The following ZNF7 variants were observed in gnomAD, a reference collection of about 807,000 sequenced individuals.
ZNF7 encodes the protein C2-H2 type zinc finger protein.
Under a neutral mutation model 12.0 loss-of-function variants are expected in ZNF7, and 10 were observed. That is an observed-to-expected ratio of 0.83 (90% CI 0.51 to 1.42). The LOEUF (loss-of-function observed/expected upper bound fraction) is 1.42, where lower values mean the gene tolerates loss of function less well. Ranked by LOEUF, ZNF7 falls within the 40% of genes most tolerant of loss-of-function variation. The pLI, the probability that ZNF7 is intolerant of heterozygous loss-of-function variation, is 0.00. For missense variants in ZNF7, 854 were observed against 837.2 expected (o/e 1.02, Z -0.25); for synonymous variants, 334 against 295.0 (o/e 1.13, Z -1.35).
At chr8:144,837,319 G>T (rs1829126264) in intron 3 of ZNF7, 72 bp from the exon 4 acceptor site, 1 of 1,317,870 alleles carries the variant, frequency 7.6e-7, no homozygotes, top group African/African-American at 1.4e-5. Context: ...TTTGGAAACT[G>T]GGGAAGACTT....
downstream of ZNF7, among the ~76,000 whole-genome samples, chr8:144,844,363 CT>C (rs947620627): frequency 2.0e-5 from 3 of 151,954 alleles, no homozygotes; most frequent in African/African-American, 4.8e-5. Context: ...AGTTGCCCCA[CT>C]TTTTTTTGGT....
At chr8:144,844,386 C>T (rs181742167), downstream of ZNF7, among the ~76,000 whole-genome samples, 9 of 151,952 alleles carry the variant, frequency 5.9e-5, no homozygotes, top group East Asian at 3.9e-4. Context: ...GGGGGGAACG[C>T]GGTGAGGAGG....
At chr8:144,845,175 T>C (rs530346695), downstream of ZNF7, among the ~76,000 whole-genome samples, 1 of 152,318 alleles carries the variant, frequency 6.6e-6, no homozygotes, top group East Asian at 1.9e-4. Context: ...ATTTCATTCT[T>C]TGTAGAAGCT....
chr8:144,830,234 A>G (rs1828281484), intron 3 of ZNF7, among the ~76,000 whole-genome samples: 1 of 152,184 alleles, frequency 6.6e-6, no homozygotes, highest in Non-Finnish European at 1.5e-5. Flanking sequence ...TCAGGAGTGG[A>G]ACTGACGCGG....
chr8:144,828,883 CT>C, intron 1 of ZNF7, 159 bp from the exon 2 acceptor site: 1 of 849,506 alleles, frequency 1.2e-6, no homozygotes, highest in South Asian at 1.7e-5. Context: ...AGTGGGCCTC[CT>C]TCACTCAAGT....
Position 144,843,348 on chromosome 8 carries a change from G to C in ZNF7, c.*180G>C. On this transcript the variant is annotated 3_prime_UTR_variant, in exon 5 of 5. Transcript: ENST00000532777. ...CTTATGCCTGTCATCCCAGCACTTT[G>C]GGAGGCCAAGGCGGGCACATCACGA... is the stretch of plus-strand genomic sequence containing the variant. 1.4e-6 allele frequency: 1 copy of C among 696,148 alleles called. No homozygotes were observed. Among genetic ancestry groups the C allele is most frequent in the Non-Finnish European group, 2.2e-6 (1 of 453,170 alleles). 43.1% of individuals were successfully genotyped at this position (696,148 alleles called of 1,614,324 possible).
downstream of ZNF7, among the ~76,000 whole-genome samples, chr8:144,845,682 A>AG (rs1250839236): frequency 2.0e-5 from 3 of 152,158 alleles, no homozygotes; most frequent in Non-Finnish European, 2.9e-5. Flanking sequence ...CTTGTCATTC[A>AG]GGGGGAACCT....
Position 144,842,916 on chromosome 8 carries a change from C to T in ZNF7, c.1809C>T (p.His603=), listed in dbSNP as rs1459597840. 16 of 1,614,074 alleles carry T rather than the reference C, an allele frequency of 9.9e-6. No homozygotes were observed. The highest frequency in any genetic ancestry group is 1.4e-5 in the Non-Finnish European group (16 of 1,180,042). The change falls in exon 5 of 5, where the codon CAC becomes CAT. Residue 603 remains histidine (H), a synonymous_variant. Coordinates refer to ENST00000532777, the MANE Select transcript of ZNF7 (RefSeq NM_003416.4). ...ATCTTATTGAACACCAGAGAATACACACTAGGGCCCAGTGGTTTTACGAAT... is the reference window on the plus strand; with the variant it reads ...ATCTTATTGAACACCAGAGAATACATACTAGGGCCCAGTGGTTTTACGAAT... ...SSYLIEHQRI[H]TRAQWFYEYG...
intron 4 of ZNF7, chr8:144,838,158 C>T: frequency 1.4e-6 from 1 of 702,920 alleles, no homozygotes; most frequent in Non-Finnish European, 2.6e-6. Context: ...ATGCGTCCCT[C>T]ACTCTGATCT....
chr8:144,829,029 A>T lies in ZNF7; in HGVS notation c.-45-14A>T. On this transcript the variant is annotated splice_polypyrimidine_tract_variant and intron_variant, in intron 1 of 4. Transcript: ENST00000532777. ...TGGCACCTTGACCTCTAATCCTTTCATAATTGCCAACAGGTCTCTCGGCCA... is the reference window on the plus strand; with the variant it reads ...TGGCACCTTGACCTCTAATCCTTTCTTAATTGCCAACAGGTCTCTCGGCCA... The T allele has an allele frequency of 6.2e-7, 1 of 1,612,980 alleles. No homozygotes were observed. Among genetic ancestry groups the T allele is most frequent in the Non-Finnish European group, 8.5e-7 (1 of 1,179,538 alleles).
intron 4 of ZNF7, among the ~76,000 whole-genome samples, chr8:144,840,454 G>A (rs750715714): frequency 3.9e-5 from 6 of 152,292 alleles, no homozygotes; most frequent in Admixed American, 6.5e-5. Flanking sequence ...CTGTGGCTGC[G>A]TGGTTGTGGT....
In ZNF7 at chr8:144,843,196, G is replaced by A. The variant is rs1305688263; in HGVS notation, c.*28G>A. ...CACTTACATATAAATGTGTATATAT[G>A]TGAATAAACCTATAGCCTTAACTTA... On this transcript the variant is annotated 3_prime_UTR_variant, in exon 5 of 5. Coordinates refer to ENST00000532777, the MANE Select transcript of ZNF7 (RefSeq NM_003416.4). 4 of 1,535,864 alleles carry A rather than the reference G, an allele frequency of 2.6e-6. No homozygotes were observed. The highest frequency in any genetic ancestry group is 1.4e-5 in the African/African-American group (1 of 71,968).
chr8:144,840,468 G>A (rs1173496732), intron 4 of ZNF7, among the ~76,000 whole-genome samples: 1 of 152,208 alleles, frequency 6.6e-6, no homozygotes, highest in Non-Finnish European at 1.5e-5. Context: ...TTGTGGTTGT[G>A]AACGTGATTG....
At chr8:144,827,678 C>G in intron 1 of ZNF7, 69 bp downstream of exon 1, 1 of 985,194 alleles carries the variant, frequency 1.0e-6, no homozygotes, top group Non-Finnish European at 1.2e-6. Context: ...GCTTCCTTAG[C>G]CCTCCCGCCT....
chr8:144,841,247 C>G, intron 4 of ZNF7, 108 bp from the exon 5 acceptor site: 1 of 1,144,696 alleles, frequency 8.7e-7, no homozygotes. Flanking sequence ...CCTCACAGTG[C>G]TCAGTGCAAC....
In ZNF7 at chr8:144,843,389, A is replaced by C. The variant is rs556033117; in HGVS notation, c.*221A>C. 2.9e-5 allele frequency: 14 copies of C among 481,928 alleles called. No homozygotes were observed. Among genetic ancestry groups the C allele is most frequent in the African/African-American group, 2.4e-4 (12 of 50,300 alleles). 29.9% of individuals were successfully genotyped at this position (481,928 alleles called of 1,614,324 possible). On this transcript the variant is annotated 3_prime_UTR_variant, in exon 5 of 5. Coordinates refer to ENST00000532777, the MANE Select transcript of ZNF7 (RefSeq NM_003416.4). The stretch of plus-strand genomic sequence containing the variant: ...CACATCACGAGGTCAGGAGGTTGAG[A>C]CCATCCTGGGTAACAGGTGAAACCC...
In ZNF7 at chr8:144,842,167, A is replaced by G. The variant is rs997605344; in HGVS notation, c.1060A>G (p.Arg354Gly). The G allele has an allele frequency of 6.2e-7, 1 of 1,614,166 alleles. No homozygotes were observed. The highest frequency in any genetic ancestry group is 8.5e-7 in the Non-Finnish European group (1 of 1,180,014). Residue 354 changes from arginine (R) to glycine (G), a missense_variant, in exon 5 of 5, where the codon AGA (arginine) becomes GGA (glycine). Transcript: ENST00000532777. ...GCAGTCGCAGCTGGTTAGACACCAG[A>G]GAACTCACACTGGGGAGAGGCCCTA... The part of the protein sequence containing the change: ...SQQSQLVRHQ[R>G]THTGERPYPC...
At position 144,842,948 on chromosome 8, in the gene ZNF7, A is replaced by G. The variant is rs1586843525; in HGVS notation, c.1841A>G (p.Asn614Ser). Residue 614 changes from asparagine (N) to serine (S), a missense_variant, in exon 5 of 5, where the codon AAT becomes AGT. Transcript: ENST00000532777. ...GCCCAGTGGTTTTACGAATATGGGA[A>G]TGCCCTGGAAGGGTCCACCTTTGTG... ...TRAQWFYEYGNALEGSTFVSR... is the reference protein window; with the variant it reads ...TRAQWFYEYGSALEGSTFVSR... The G allele has an allele frequency of 1.2e-6, 2 of 1,614,096 alleles. No homozygotes were observed. The highest frequency in any genetic ancestry group is 2.7e-5 in the African/African-American group (2 of 74,938).
intron 1 of ZNF7, 107 bp downstream of exon 1, chr8:144,827,716 G>T: frequency 1.0e-6 from 1 of 977,980 alleles, no homozygotes; most frequent in Non-Finnish European, 1.2e-6. Flanking sequence ...GCGTCCCCCG[G>T]GCCTCCAGGC....
Sources: allele counts gnomAD v4.1 joint callset (sites outside exome capture counted in the v4.1 genomes callset), GRCh38; gene constraint gnomAD v4.1.1; transcripts MANE v1.5; gene names NCBI Gene and HGNC (gene_info 2026-07-23, HGNC 2026-07-21).